Variants in ABTB3 observed in about 807,000 individuals in gnomAD.
ABTB3 encodes the protein ankyrin repeat- and BTB/POZ domain-containing protein 3.
At chr12:107,337,247 C>G in the ABTB3 span, among the ~76,000 whole-genome samples, 1 of 152,176 alleles carries the variant, frequency 6.6e-6, no homozygotes, top group Non-Finnish European at 1.5e-5. Context: ...GATTAATAGA[C>G]TTGTATGGGG....
At chr12:107,386,737 G>C in the ABTB3 span, among the ~76,000 whole-genome samples, 4 of 152,122 alleles carry the variant, frequency 2.6e-5, no homozygotes, top group Admixed American at 6.5e-5. Flanking sequence ...GCGGCTGGCT[G>C]CTTGGTCTTG....
At chr12:107,610,411 T>C in the ABTB3 span, 1 of 1,591,986 alleles carries the variant, frequency 6.3e-7, no homozygotes, top group Non-Finnish European at 8.6e-7. Flanking sequence ...GCATCACCCC[T>C]GGCAAGACAG....
chr12:107,543,819 C>G, the ABTB3 span: 2 of 925,970 alleles, frequency 2.2e-6, no homozygotes, highest in Non-Finnish European at 3.2e-6. Context: ...TCCCATTGAA[C>G]CACTTTATTT....
the ABTB3 span, among the ~76,000 whole-genome samples, chr12:107,564,598 T>C: frequency 6.6e-6 from 1 of 152,214 alleles, no homozygotes; most frequent in African/African-American, 2.4e-5. Context: ...CAAAGCTCTC[T>C]AGCTCCAGAG....
chr12:107,461,514 C>T, the ABTB3 span, among the ~76,000 whole-genome samples: 1 of 151,286 alleles, frequency 6.6e-6, no homozygotes, highest in Non-Finnish European at 1.5e-5. Flanking sequence ...AAGGAACTGG[C>T]CTTGCTGGCA....
the ABTB3 span, among the ~76,000 whole-genome samples, chr12:107,323,785 C>G: frequency 3.3e-5 from 5 of 152,182 alleles, no homozygotes; most frequent in African/African-American, 1.2e-4. Flanking sequence ...CTTCTCCATT[C>G]TTATTCATCT....
the ABTB3 span, among the ~76,000 whole-genome samples, chr12:107,396,327 T>C: frequency 6.6e-6 from 1 of 152,208 alleles, no homozygotes; most frequent in Non-Finnish European, 1.5e-5. Context: ...TAGCTACCCA[T>C]GTCTGTAGAG....
chr12:107,612,004 G>C, the ABTB3 span, among the ~76,000 whole-genome samples: 2 of 152,262 alleles, frequency 1.3e-5, no homozygotes, highest in African/African-American at 4.8e-5. Context: ...TTTATGCCTA[G>C]AAATAGATTC....
At chr12:107,544,520 A>C in the ABTB3 span, among the ~76,000 whole-genome samples, 1 of 152,156 alleles carries the variant, frequency 6.6e-6, no homozygotes, top group Non-Finnish European at 1.5e-5. Flanking sequence ...CGGGATAACC[A>C]GAAGCACCTA....
the ABTB3 span, among the ~76,000 whole-genome samples, chr12:107,540,188 C>A: frequency 1.3e-5 from 2 of 152,116 alleles, no homozygotes; most frequent in Non-Finnish European, 1.5e-5. Flanking sequence ...GATCAAGATG[C>A]CAGCCAGGTC....
At chr12:107,508,444 T>TTTTGTTTTG in the ABTB3 span, among the ~76,000 whole-genome samples, 7 of 76,884 alleles carry the variant, frequency 9.1e-5, no homozygotes, top group African/African-American at 3.4e-4. Context: ...ATTTCTTTTT[T>TTTTGTTTTG]TTTTTTTTTT....
chr12:107,470,873 A>G, the ABTB3 span, among the ~76,000 whole-genome samples: 47,117 of 151,984 alleles, frequency 0.31, 7,814 homozygotes, highest in African/African-American at 0.44. Context: ...ACACCTCACC[A>G]GCCAGCTGGG....
At chr12:107,582,843 GC>G in the ABTB3 span, among the ~76,000 whole-genome samples, 1 of 152,152 alleles carries the variant, frequency 6.6e-6, no homozygotes, top group East Asian at 1.9e-4. Context: ...CCTGCTCATT[GC>G]CCCCATCGCC....
At chr12:107,541,859 G>A in the ABTB3 span, among the ~76,000 whole-genome samples, 4 of 151,272 alleles carry the variant, frequency 2.6e-5, no homozygotes, top group African/African-American at 4.9e-5. Flanking sequence ...ACACTCCTGC[G>A]ACATGCAATT....
chr12:107,404,932 C>T, the ABTB3 span, among the ~76,000 whole-genome samples: 45 of 152,208 alleles, frequency 3.0e-4, no homozygotes, highest in Admixed American at 2.8e-3. Flanking sequence ...TTAATATTGT[C>T]CATTTTGCAG....
the ABTB3 span, among the ~76,000 whole-genome samples, chr12:107,406,359 G>A: frequency 6.6e-6 from 1 of 152,210 alleles, no homozygotes; most frequent in African/African-American, 2.4e-5. Context: ...GAGCCTAGGA[G>A]TTTGAGACTG....
the ABTB3 span, chr12:107,657,850 C>T: frequency 3.1e-5 from 26 of 841,980 alleles, no homozygotes; most frequent in African/African-American, 6.8e-5. Flanking sequence ...ACTGCTCCCA[C>T]GTGTTCCTGT....
the ABTB3 span, among the ~76,000 whole-genome samples, chr12:107,558,614 G>A: frequency 6.6e-6 from 1 of 152,132 alleles, no homozygotes; most frequent in African/African-American, 2.4e-5. Context: ...GGACTCAGCT[G>A]CATCCCCACC....
the ABTB3 span, among the ~76,000 whole-genome samples, chr12:107,434,401 C>T: frequency 1.3e-5 from 2 of 152,102 alleles, no homozygotes; most frequent in South Asian, 2.1e-4. Flanking sequence ...ACACCCACAG[C>T]GTCTGCTACA....
Sources: allele counts gnomAD v4.1 joint callset (sites outside exome capture counted in the v4.1 genomes callset), GRCh38; gene constraint gnomAD v4.1.1; transcripts MANE v1.5; gene names NCBI Gene and HGNC (gene_info 2026-07-23, HGNC 2026-07-21).